Variants in CNTN1 observed in about 807,000 individuals in gnomAD.
CNTN1 encodes the protein contactin 1, also known as contactin-1.
A neutral mutation model predicts 126.4 loss-of-function variants in CNTN1; 38 were observed. That is an observed-to-expected ratio of 0.30 (90% CI 0.23 to 0.39). The LOEUF is 0.39. Ranked by LOEUF, CNTN1 falls within the 10% of genes least tolerant of loss-of-function variation. CNTN1 has a pLI of 1.00. For synonymous variants in CNTN1, 413 were observed against 422.6 expected, an observed-to-expected ratio of 0.98 and a Z score of 0.28; for missense variants, 1,009 against 1,248.4, an observed-to-expected ratio of 0.81 and a Z score of 2.89.
intron 1 of CNTN1, among the ~76,000 whole-genome samples, chr12:40,888,671 T>C (rs1045173755): frequency 6.6e-6 from 1 of 152,222 alleles, no homozygotes; most frequent in African/African-American, 2.4e-5. Context: ...ATTAATCTTT[T>C]TGTGGACTGC....
chr12:40,763,909 A>C (rs1938968783), intron 1 of CNTN1, among the ~76,000 whole-genome samples: 1 of 152,156 alleles, frequency 6.6e-6, no homozygotes, highest in African/African-American at 2.4e-5. Flanking sequence ...ATCTCTCAGA[A>C]TATCTCATTA....
At chr12:40,980,751 T>C (rs1310921304) in intron 15 of CNTN1, among the ~76,000 whole-genome samples, 158 bp from the exon 16 acceptor site, 1 of 152,196 alleles carries the variant, frequency 6.6e-6, no homozygotes, top group Non-Finnish European at 1.5e-5. Flanking sequence ...ACAAATGATA[T>C]CACTTCTTAT....
intron 1 of CNTN1, among the ~76,000 whole-genome samples, chr12:40,718,923 A>G (rs1465127133): frequency 6.6e-6 from 1 of 151,848 alleles, no homozygotes; most frequent in African/African-American, 2.4e-5. Context: ...TTCCCATTAG[A>G]GAACATTTTC....
At chr12:40,695,546 T>C (rs907257056) in intron 1 of CNTN1, among the ~76,000 whole-genome samples, 1 of 152,202 alleles carries the variant, frequency 6.6e-6, no homozygotes, top group Non-Finnish European at 1.5e-5. Flanking sequence ...AATTCTCCAA[T>C]TTCCATCTAT....
At position 41,055,775 on chromosome 12, in the gene CNTN1, A is replaced by C. The variant is rs117583517; in HGVS notation, c.2981-14184A>C. On this transcript the variant is annotated intron_variant, in intron 23 of 23. Transcript: ENST00000551295. ...TCCTGCCCACTTAGTTAAAACAACT[A>C]GCATCTTTATCTATAAGTTGGATCA... 2.6e-4 allele frequency among the ~76,000 whole-genome samples: 40 copies of C among 152,272 alleles called. 1 individual carries two copies. In the East Asian group the frequency reaches 7.7e-3, roughly 29 times the overall value.
At chr12:40,777,819 T>A (rs1163925542) in intron 1 of CNTN1, among the ~76,000 whole-genome samples, 2 of 151,774 alleles carry the variant, frequency 1.3e-5, no homozygotes, top group African/African-American at 4.8e-5. Flanking sequence ...AGCTTCAGAT[T>A]CATCACCTAT....
chr12:41,028,999 A>C, intron 22 of CNTN1, 64 bp from the exon 23 acceptor site: 1 of 1,447,928 alleles, frequency 6.9e-7, no homozygotes, highest in African/African-American at 1.4e-5. Flanking sequence ...TTCTGGTTTT[A>C]GTGTTAGAGC....
chr12:41,041,119 C>T (rs1466817307), intron 23 of CNTN1, among the ~76,000 whole-genome samples: 7 of 147,062 alleles, frequency 4.8e-5, no homozygotes, highest in African/African-American at 1.0e-4. Flanking sequence ...GAGTTTTTAG[C>T]ATGAAGGGTT....
At chr12:40,709,993 C>T (rs7953546) in intron 1 of CNTN1, among the ~76,000 whole-genome samples, 92,790 of 151,930 alleles carry the variant, frequency 0.61, 29,146 homozygotes, top group East Asian at 0.84. Context: ...TTAGCTATTT[C>T]GCCAGGAGCC....
chr12:40,923,850 C>G (rs1176990283), intron 5 of CNTN1, among the ~76,000 whole-genome samples: 5 of 152,020 alleles, frequency 3.3e-5, no homozygotes, highest in Non-Finnish European at 5.9e-5. Context: ...ACACTTTATA[C>G]TGAGAAAAGT....
At chr12:40,811,291 C>A (rs537245656) in intron 1 of CNTN1, among the ~76,000 whole-genome samples, 1 of 152,200 alleles carries the variant, frequency 6.6e-6, no homozygotes, top group Non-Finnish European at 1.5e-5. Context: ...TTTATACAGG[C>A]AACACAATAT....
At chr12:40,755,733 T>C (rs1938584888) in intron 1 of CNTN1, among the ~76,000 whole-genome samples, 1 of 151,872 alleles carries the variant, frequency 6.6e-6, no homozygotes, top group East Asian at 1.9e-4. Flanking sequence ...AAGGGGAGAC[T>C]TCCTGGAGTG....
At chr12:40,808,432 T>C (rs1374666673) in intron 1 of CNTN1, among the ~76,000 whole-genome samples, 4 of 152,134 alleles carry the variant, frequency 2.6e-5, no homozygotes, top group African/African-American at 9.7e-5. Flanking sequence ...ATCATATAAT[T>C]GGGAAGAAGT....
intron 1 of CNTN1, among the ~76,000 whole-genome samples, chr12:40,776,839 T>G (rs1271489475): frequency 6.6e-6 from 1 of 151,782 alleles, no homozygotes; most frequent in African/African-American, 2.4e-5. Context: ...GAAACTCTTT[T>G]CATTAAAGCA....
At chr12:41,048,192 G>A (rs145001957) in intron 23 of CNTN1, among the ~76,000 whole-genome samples, 110 of 152,154 alleles carry the variant, frequency 7.2e-4, no homozygotes, top group African/African-American at 2.5e-3. Flanking sequence ...ATGCCAACAC[G>A]AACACTGGTT....
At chr12:40,917,715 T>G (rs1945295394) in intron 3 of CNTN1, among the ~76,000 whole-genome samples, 1 of 152,140 alleles carries the variant, frequency 6.6e-6, no homozygotes, top group Non-Finnish European at 1.5e-5. Context: ...GCATATGGCT[T>G]TGCACTGTGC....
intron 23 of CNTN1, among the ~76,000 whole-genome samples, chr12:41,059,343 GTCTC>G (rs1389183300): frequency 2.6e-5 from 4 of 152,136 alleles, no homozygotes; most frequent in African/African-American, 9.7e-5. Flanking sequence ...GGGTAGTTCT[GTCTC>G]TGCATCACCA....
In CNTN1 at chr12:41,056,414, CTA is replaced by C. The variant is rs1949802805; in HGVS notation, c.2981-13543_2981-13542del. ...AAAGCATGTGCTCTTAATCTGTATA[CTA>C]TGTTAGGATGGGATTAGTTCCATAT... is the stretch of plus-strand genomic sequence containing the variant. On this transcript the variant is annotated intron_variant, in intron 23 of 23. Coordinates refer to ENST00000551295, the MANE Select transcript of CNTN1 (RefSeq NM_001843.4). Among the ~76,000 whole-genome samples the C allele has an allele frequency of 5.3e-5, 8 of 152,188 alleles. No homozygotes were observed. In the South Asian group the frequency reaches 1.7e-3, roughly 32 times the overall value.
At chr12:40,759,361 C>G (rs1173629822) in intron 1 of CNTN1, among the ~76,000 whole-genome samples, 1 of 152,084 alleles carries the variant, frequency 6.6e-6, no homozygotes, top group African/African-American at 2.4e-5. Context: ...TTTCCAAGCC[C>G]AAAACCAGAG....
Sources: gnomAD v4.1 joint callset for allele counts (sites outside exome capture counted in the v4.1 genomes callset) on GRCh38, gnomAD v4.1.1 for gene constraint, MANE v1.5 for transcripts, NCBI Gene and HGNC (gene_info 2026-07-23, HGNC 2026-07-21) for gene names.